GATA3: variants seen among roughly 807,000 people sequenced by gnomAD.
GATA3 encodes trans-acting T-cell-specific transcription factor GATA-3.
Under a neutral mutation model 36.0 loss-of-function variants are expected in GATA3, and 6 were observed. That is an observed-to-expected ratio of 0.17 (90% CI 0.09 to 0.33). GATA3 has a LOEUF of 0.33. Among genes scored for constraint, GATA3 ranks in the 10% least tolerant of loss-of-function variants. GATA3 has a pLI of 1.00. For missense variants in GATA3, 514 were observed against 610.1 expected, an observed-to-expected ratio of 0.84 and a Z score of 1.66; for synonymous variants, 326 against 273.0, an observed-to-expected ratio of 1.19 and a Z score of -1.92.
upstream of GATA3, among the ~76,000 whole-genome samples, chr10:8,049,258 C>T (rs1832431957): frequency 6.6e-6 from 1 of 152,122 alleles, no homozygotes; most frequent in Non-Finnish European, 1.5e-5. Context: ...GAGAGTTGCC[C>T]CTTGGACGCA....
At chr10:8,061,262 CAG>C (rs1240001075) in intron 3 of GATA3, among the ~76,000 whole-genome samples, 1 of 152,154 alleles carries the variant, frequency 6.6e-6, no homozygotes, top group Non-Finnish European at 1.5e-5. Flanking sequence ...AAACAAAAGA[CAG>C]AGTCTTTGTG....
chr10:8,060,235 T>G (rs1832725166), intron 3 of GATA3, among the ~76,000 whole-genome samples: 1 of 152,264 alleles, frequency 6.6e-6, no homozygotes, highest in Non-Finnish European at 1.5e-5. Flanking sequence ...AGCCAGGAAC[T>G]TTAATAGAGT....
intron 3 of GATA3, among the ~76,000 whole-genome samples, chr10:8,062,129 T>C (rs1320280794): frequency 6.6e-6 from 1 of 152,182 alleles, no homozygotes; most frequent in African/African-American, 2.4e-5. Flanking sequence ...GTCTGCCACA[T>C]CCCTCAGGCT....
chr10:8,062,859 G>C (rs1267504227), intron 3 of GATA3, among the ~76,000 whole-genome samples: 1 of 152,170 alleles, frequency 6.6e-6, no homozygotes, highest in African/African-American at 2.4e-5. Flanking sequence ...AGAGACCCGT[G>C]TGTCCCTGGG....
At chr10:8,050,596 C>T (rs183289889), upstream of GATA3, 114 of 198,788 alleles carry the variant, frequency 5.7e-4, 1 homozygote, top group East Asian at 0.018. Context: ...GCTCCCCGCC[C>T]CCCAGCCCCG....
chr10:8,071,406 AT>A (rs1210539262), intron 5 of GATA3, among the ~76,000 whole-genome samples: 1 of 152,214 alleles, frequency 6.6e-6, no homozygotes, highest in Non-Finnish European at 1.5e-5. Flanking sequence ...TCGTGGAAGT[AT>A]AGGAATTATA....
At chr10:8,064,669 A>C (rs1056712000) in intron 4 of GATA3, among the ~76,000 whole-genome samples, 2 of 152,206 alleles carry the variant, frequency 1.3e-5, no homozygotes, top group Non-Finnish European at 2.9e-5. Flanking sequence ...GAGCTGATTA[A>C]ATGAATTTCA....
At chr10:8,049,757 G>A (rs1374106083), upstream of GATA3, among the ~76,000 whole-genome samples, 1 of 152,178 alleles carries the variant, frequency 6.6e-6, no homozygotes, top group Non-Finnish European at 1.5e-5. Flanking sequence ...AGGCTGGCTG[G>A]GTTGGAGACG....
intron 3 of GATA3, among the ~76,000 whole-genome samples, chr10:8,060,561 G>A (rs966976060): frequency 6.6e-6 from 1 of 151,234 alleles, no homozygotes; most frequent in Non-Finnish European, 1.5e-5. Context: ...TCTCTTTTCT[G>A]GTAAGGCTAT....
upstream of GATA3, chr10:8,052,301 A>C (rs551514304): frequency 1.3e-5 from 2 of 151,694 alleles, no homozygotes; most frequent in Admixed American, 6.6e-5. Flanking sequence ...ATCCCCGGCC[A>C]GTCCGACTTG....
At chr10:8,054,232 C>A (rs1311192984), upstream of GATA3, among the ~76,000 whole-genome samples, 3 of 152,210 alleles carry the variant, frequency 2.0e-5, no homozygotes, top group African/African-American at 7.2e-5. This position sits in a 1 kb window ranked among gnomAD's most constrained non-coding sequence, Gnocchi z 4.2. Flanking sequence ...AAACACCCTG[C>A]ATTAGATCCT....
At chr10:8,054,181 C>A (rs1175869475), upstream of GATA3, among the ~76,000 whole-genome samples, 3 of 152,184 alleles carry the variant, frequency 2.0e-5, no homozygotes, top group African/African-American at 7.2e-5. The surrounding 1 kb of genome is among the most constrained non-coding windows in gnomAD (Gnocchi z 4.2). Flanking sequence ...TTTTTCTGAT[C>A]AATTTAACGC....
At chr10:8,047,813 G>A (rs1480088060) in intron 1 of GATA3, among the ~76,000 whole-genome samples, 1 of 152,168 alleles carries the variant, frequency 6.6e-6, no homozygotes, top group East Asian at 1.9e-4. Context: ...GGAGGGAGGG[G>A]CTGCGGGTAG....
chr10:8,046,691 G>GTGTGTGTGTGTGTGTC lies in GATA3; in HGVS notation c.-370+1177_-370+1178insGTGTGTGTGTGTGTCT, dbSNP rs58533845. On this transcript the variant is annotated intron_variant, in intron 1 of 1. Transcript: ENST00000643001. ...TGTGTGTGTGTGTGTGTGTGTGTGT[G>GTGTGTGTGTGTGTGTC]TCAGGGGCTTACCATGACATGTTTG... 1.8e-3 allele frequency among the ~76,000 whole-genome samples: 263 copies of GTGTGTGTGTGTGTGTC among 145,072 alleles called. 1 individual carries two copies. Among genetic ancestry groups the GTGTGTGTGTGTGTGTC allele is most frequent in the African/African-American group, 4.7e-3 (180 of 38,212 alleles).
chr10:8,069,364 A>G lies in GATA3; in HGVS notation c.925-109A>G, dbSNP rs79932916. 14 of 1,158,546 alleles carry G rather than the reference A, an allele frequency of 1.2e-5. No homozygotes were observed. The African/African-American group carries it at 1.5e-4, about 13-fold the overall frequency. 71.8% of individuals were successfully genotyped at this position (1,158,546 alleles called of 1,614,324 possible). On this transcript the variant is annotated intron_variant, in intron 4 of 5. Transcript: ENST00000379328. The stretch of plus-strand genomic sequence containing the variant: ...GGACCACTTGCTAGTTTTGATTTCA[A>G]TGATAATTTCTTCCTTCCTTTTTTT...
At chr10:8,051,620 G>A (rs1366754732), upstream of GATA3, 2 of 152,532 alleles carry the variant, frequency 1.3e-5, no homozygotes, top group African/African-American at 4.8e-5. Context: ...CGAGGCCCAG[G>A]TACCTGGGAG....
At chr10:8,071,439 T>C (rs1419185571) in intron 5 of GATA3, among the ~76,000 whole-genome samples, 2 of 152,230 alleles carry the variant, frequency 1.3e-5, no homozygotes, top group East Asian at 3.8e-4. Context: ...AGCTATATGT[T>C]TTTTTGAATA....
upstream of GATA3, among the ~76,000 whole-genome samples, chr10:8,048,862 A>G (rs1332398765): frequency 6.6e-6 from 1 of 151,540 alleles, no homozygotes; most frequent in Non-Finnish European, 1.5e-5. Context: ...TTATCTCGCT[A>G]CAATCAGGGG....
At chr10:8,052,505 C>G (rs1832522567), upstream of GATA3, 1 of 152,220 alleles carries the variant, frequency 6.6e-6, no homozygotes, top group South Asian at 2.1e-4. Context: ...CTCTTCGGCT[C>G]TGAGGTCTCC....
Sources: gnomAD v4.1 joint callset for allele counts (sites outside exome capture counted in the v4.1 genomes callset) on GRCh38, gnomAD v4.1.1 for gene constraint, Gnocchi (gnomAD v3.1) non-coding constraint, MANE v1.5 for transcripts, NCBI Gene and HGNC (gene_info 2026-07-23, HGNC 2026-07-21) for gene names.